The following HHATL variants were observed in gnomAD, a reference collection of about 807,000 sequenced individuals.
The protein encoded by HHATL is hedgehog acyltransferase like.
Under a neutral mutation model 59.7 loss-of-function variants are expected in HHATL, and 49 were observed. That is an observed-to-expected ratio of 0.82 (90% CI 0.65 to 1.04). The LOEUF (loss-of-function observed/expected upper bound fraction) is 1.04. HHATL is among the 50% of genes least tolerant of loss of function. The pLI is 0.00. For missense variants in HHATL, 605 were observed against 650.8 expected (o/e 0.93, Z 0.77); for synonymous variants, 238 against 257.3 (o/e 0.93, Z 0.72).
chr3:42,694,201 C>T (rs1697495430), intron 9 of HHATL: 1 of 234,498 alleles, frequency 4.3e-6, no homozygotes. Context: ...GCTCCGTCCT[C>T]ATCTCAGTGA....
chr3:42,698,418 C>T (rs1697753603), intron 5 of HHATL, 67 bp from the exon 6 acceptor site: 1 of 1,446,146 alleles, frequency 6.9e-7, no homozygotes, highest in East Asian at 2.4e-5. Context: ...ACCTATTCCC[C>T]ACTCCCTAGC....
intron 7 of HHATL, 34 bp downstream of exon 7, chr3:42,697,474 C>G: frequency 6.3e-7 from 1 of 1,594,900 alleles, no homozygotes; most frequent in Non-Finnish European, 8.6e-7. Context: ...CCTGGGGCGG[C>G]AGCCCTGCCC....
rs192499119 is a variant in HHATL at position 42,701,983 on chromosome 3, G to T, written c.-14+596C>A. ...CCGACGGTCTCCTCGTACAGATGGAGGGGTCATGGGCCAGATAGGGGCAGG... is the reference window on the plus strand; with the variant it reads ...CCGACGGTCTCCTCGTACAGATGGATGGGTCATGGGCCAGATAGGGGCAGG... On this transcript the variant is annotated intron_variant, in intron 1 of 11. Transcript: ENST00000441594. The surrounding 1 kb of genome is among the most constrained non-coding windows in gnomAD (Gnocchi z 5.1). 4.6e-4 allele frequency among the ~76,000 whole-genome samples: 70 copies of T among 152,346 alleles called. No individual in the cohort carries two copies. In the East Asian group the frequency reaches 0.012, roughly 26 times the overall value.
At chr3:42,700,164 CTGTG>C (rs10576105) in intron 2 of HHATL, among the ~76,000 whole-genome samples, 83 of 90,726 alleles carry the variant, frequency 9.1e-4, no homozygotes, top group African/African-American at 1.4e-3. Flanking sequence ...GTCCAGGACT[CTGTG>C]TGTGTGTGTG....
intron 2 of HHATL, 47 bp downstream of exon 2, chr3:42,700,674 C>G (rs763267043): frequency 2.9e-6 from 4 of 1,364,832 alleles, no homozygotes; most frequent in Admixed American, 3.7e-5. Context: ...CTGAGGCCTC[C>G]AGGGGAAGAA....
At position 42,701,180 on chromosome 3, in the gene HHATL, G is replaced by A. The variant is rs1697965825; in HGVS notation, c.-13-341C>T. ...CTCTGCCAAAACCGCTCCTGCCAAGGCCCCCATGACCTGCGTGCGGAGAAA... is the reference window on the plus strand; with the variant it reads ...CTCTGCCAAAACCGCTCCTGCCAAGACCCCCATGACCTGCGTGCGGAGAAA... On this transcript the variant is annotated intron_variant, in intron 1 of 11. Coordinates refer to ENST00000441594, the MANE Select transcript of HHATL (RefSeq NM_020707.4). The surrounding 1 kb of genome is among the most constrained non-coding windows in gnomAD (Gnocchi z 5.1). The A allele has an allele frequency of 7.4e-6, 2 of 271,658 alleles. No homozygotes were observed. Among genetic ancestry groups the A allele is most frequent in the Non-Finnish European group, 7.1e-6 (1 of 140,588 alleles). 16.8% of individuals were successfully genotyped at this position (271,658 alleles called of 1,614,324 possible).
chr3:42,698,356 A>AG lies in HHATL; in HGVS notation c.484-6dup. The AG allele has an allele frequency of 6.2e-7, 1 of 1,608,758 alleles. No individual in the cohort carries two copies. ...AGTGCCTGTTACAAACCCGCTCTGG[A>AG]GGGGGAAAGAACAGGCCACCAGCTC... On this transcript the variant is annotated splice_region_variant and splice_polypyrimidine_tract_variant and intron_variant, in intron 5 of 11. Transcript: ENST00000441594.
At position 42,697,674 on chromosome 3, in the gene HHATL, G is replaced by A. The variant is rs375380781; in HGVS notation, c.699C>T (p.Ser233=). The change falls in exon 7 of 12, where the codon AGC becomes AGT. Residue 233 remains serine, a synonymous_variant. Coordinates refer to ENST00000441594, the MANE Select transcript of HHATL (RefSeq NM_020707.4). The part of the protein sequence containing the change: ...MTFDRFHAQV[S]QVEPVRREGE... ...CCTCGCGTCTCACTGGCTCCACCTG[G>A]CTCACCTGGGGGGATGCGAAGGGTC... is the stretch of plus-strand genomic sequence containing the variant. 9 of 1,613,206 alleles carry A rather than the reference G, an allele frequency of 5.6e-6. No homozygotes were observed. The highest frequency in any genetic ancestry group is 2.2e-5 in the South Asian group (2 of 91,034).
At chr3:42,693,323 T>C (rs1697437567) in intron 10 of HHATL, 105 bp from the exon 11 acceptor site, 5 of 1,431,830 alleles carry the variant, frequency 3.5e-6, no homozygotes, top group Non-Finnish European at 4.8e-6. Context: ...CTTGGGGCTA[T>C]GTCTGGGTCT....
In HHATL at chr3:42,696,704, CT is replaced by C. The variant is rs1015192711; in HGVS notation, c.1046+137del. ...ACTTCTATATCTTTCACCCAGACCT[CT>C]GCCAATACCTCCTCACTGCCCTCTT... On this transcript the variant is annotated intron_variant, in intron 9 of 11. Transcript: ENST00000441594. 3.3e-6 allele frequency: 3 copies of C among 900,070 alleles called. No homozygotes were observed. In the African/African-American group the frequency reaches 5.0e-5, roughly 15 times the overall value. The allele number at this position is 900,070 out of a possible 1,614,324, so 55.8% of individuals were successfully genotyped here.
In HHATL at chr3:42,701,819, G is replaced by A. The variant is rs1181772235; in HGVS notation, c.-14+760C>T. On this transcript the variant is annotated intron_variant, in intron 1 of 11. Coordinates refer to ENST00000441594, the MANE Select transcript of HHATL (RefSeq NM_020707.4). This position sits in a 1 kb window ranked among gnomAD's most constrained non-coding sequence, Gnocchi z 5.1. ...AGACATAGGACCCAAATTAAAGGGA[G>A]GAAGCAGGGAACATGTCCAGGCAAC... 6.6e-6 allele frequency among the ~76,000 whole-genome samples: 1 copy of A among 152,222 alleles called. No homozygotes were observed. Among genetic ancestry groups the A allele is most frequent in the Non-Finnish European group, 1.5e-5 (1 of 68,036 alleles).
At chr3:42,693,407 C>A in intron 10 of HHATL, 189 bp from the exon 11 acceptor site, 1 of 814,114 alleles carries the variant, frequency 1.2e-6, no homozygotes. Context: ...CAAGGCCTGA[C>A]CAACATGGCA....
chr3:42,699,938 G>A (rs542957523), intron 2 of HHATL, 113 bp from the exon 3 acceptor site: 62 of 776,560 alleles, frequency 8.0e-5, no homozygotes, highest in Admixed American at 1.7e-4. Flanking sequence ...AACGGGGCAC[G>A]GGTCTGAGTC....
chr3:42,697,248 C>A lies in HHATL; in HGVS notation c.866-103G>T, dbSNP rs1052961513. ...CCTTGGGGAGACACCAGGCTCTGCC[C>A]GCCCCACGGAGACCCCCCCATATTG... On this transcript the variant is annotated intron_variant, in intron 7 of 11. Coordinates refer to ENST00000441594, the MANE Select transcript of HHATL (RefSeq NM_020707.4). 2.8e-6 allele frequency: 4 copies of A among 1,403,810 alleles called. No individual in the cohort carries two copies. In the East Asian group the frequency reaches 9.7e-5, roughly 34 times the overall value. 87.0% of individuals were successfully genotyped at this position (1,403,810 alleles called of 1,614,324 possible).
chr3:42,696,899 G>A, intron 8 of HHATL, 22 bp from the exon 9 acceptor site: 1 of 1,614,148 alleles, frequency 6.2e-7, no homozygotes, highest in Non-Finnish European at 8.5e-7. Context: ...AAGCAGATGG[G>A]CATGTTGCCA....
intron 9 of HHATL, among the ~76,000 whole-genome samples, chr3:42,695,322 A>G (rs1050852506): frequency 6.6e-6 from 1 of 152,210 alleles, no homozygotes; most frequent in Non-Finnish European, 1.5e-5. Flanking sequence ...CCAATGAGTC[A>G]TGACTATAAA....
At chr3:42,694,482 TA>T (rs1222848270) in intron 9 of HHATL, among the ~76,000 whole-genome samples, 2 of 152,242 alleles carry the variant, frequency 1.3e-5, no homozygotes, top group African/African-American at 4.8e-5. Flanking sequence ...AGGCATCTTT[TA>T]AGAGTGTAGC....
At position 42,697,032 on chromosome 3, in the gene HHATL, A is replaced by C. The variant is rs561740165; in HGVS notation, c.979T>G (p.Cys327Gly). ...DHLDPPQPPK[C>G]ITALYVFAET... ...GCAAAGACGTAGAGTGCGGTGATGC[A>C]CTTGGGAGGCTGGGGTGGGTCCAGG... The change falls in exon 8 of 12, where the codon TGC becomes GGC. Residue 327 changes from cysteine to glycine, a missense_variant. By Grantham distance (159) the Cys-to-Gly change is radical. Transcript: ENST00000441594. 1.4e-5 allele frequency: 22 copies of C among 1,600,318 alleles called. No homozygotes were observed. In the East Asian group the frequency reaches 4.9e-4, roughly 36 times the overall value.
chr3:42,699,633 G>T (rs949672893), intron 3 of HHATL, 125 bp downstream of exon 3: 4 of 753,492 alleles, frequency 5.3e-6, no homozygotes, highest in African/African-American at 5.3e-5. Context: ...GAAGCTGAAG[G>T]CACTGAAGCT....
Sources: allele counts gnomAD v4.1 joint callset (sites outside exome capture counted in the v4.1 genomes callset), GRCh38; gene constraint gnomAD v4.1.1; non-coding constraint Gnocchi (gnomAD v3.1); transcripts MANE v1.5; gene names NCBI Gene and HGNC (gene_info 2026-07-23, HGNC 2026-07-21).